The following HSF1 variants were observed in gnomAD, a reference collection of about 807,000 sequenced individuals.
HSF1 encodes the protein heat shock transcription factor 1, also known as heat shock factor protein 1.
In HSF1, 32 loss-of-function variants were observed where a neutral mutation model predicts 51.7. That is an observed-to-expected ratio of 0.62 (90% confidence interval 0.47 to 0.83). The LOEUF (loss-of-function observed/expected upper bound fraction) is 0.83. Among genes scored for constraint, HSF1 ranks in the 40% least tolerant of loss-of-function variants. The pLI is 0.00. For missense variants in HSF1, 727 were observed against 717.0 expected (o/e 1.01, Z -0.16); for synonymous variants, 396 against 309.7 (o/e 1.28, Z -2.92).
intron 1 of HSF1, among the ~76,000 whole-genome samples, chr8:144,299,443 A>T (rs2130349156): frequency 6.6e-6 from 1 of 151,504 alleles, no homozygotes; most frequent in South Asian, 2.1e-4. Flanking sequence ...TCTAAAAAAA[A>T]AAAAAAAAAT....
rs1345292735 is a variant in HSF1 at position 144,291,636 on chromosome 8, C to T, written c.-122C>T. 6 of 525,574 alleles carry T rather than the reference C, an allele frequency of 1.1e-5. No individual in the cohort carries two copies. The highest frequency in any genetic ancestry group is 5.7e-5 in the South Asian group (2 of 35,022). 32.6% of individuals were successfully genotyped at this position (525,574 alleles called of 1,614,324 possible). On this transcript the variant is annotated 5_prime_UTR_variant, in exon 1 of 13. Transcript: ENST00000528838. The surrounding 1 kb of genome is among the most constrained non-coding windows in gnomAD (Gnocchi z 4.1). ...AGATGGCGGCGGCCATGCTGGGCCC[C>T]GGGGCTGTGTGTGCGCAGCGGGCGG...
At position 144,313,895 on chromosome 8, in the gene HSF1, A is replaced by T; in HGVS notation, c.1298A>T (p.Asp433Val). The change falls in exon 11 of 13, where the codon GAC (aspartate) becomes GTC (valine). Residue 433 changes from aspartate to valine, a missense_variant. Asp to Val is a radical substitution (Grantham distance 152). Around this residue, in one of 2 missense-constraint regions of HSF1, gnomAD observed 470 missense variants for 398.8 expected, o/e 1.18. Coordinates refer to ENST00000528838, the MANE Select transcript of HSF1 (RefSeq NM_005526.4). ...CCCGACATGAGCCTGCCTGACCTTG[A>T]CAGCAGCCTGGCCAGTGTGCGTAGG... Reference protein sequence around the residue: ...TVPDMSLPDLDSSLASIQELL... With the variant: ...TVPDMSLPDLVSSLASIQELL... 6.2e-7 allele frequency: 1 copy of T among 1,606,148 alleles called. No individual in the cohort carries two copies. Among genetic ancestry groups the T allele is most frequent in the Non-Finnish European group, 8.5e-7 (1 of 1,178,334 alleles).
chr8:144,308,211 C>T (rs1230245999), intron 1 of HSF1, among the ~76,000 whole-genome samples: 2 of 152,352 alleles, frequency 1.3e-5, no homozygotes, highest in South Asian at 2.1e-4. Context: ...CCCCCTTCCC[C>T]GCCGTGTGGG....
chr8:144,310,127 C>T, intron 4 of HSF1: 1 of 545,486 alleles, frequency 1.8e-6, no homozygotes. Context: ...GTCCCCTGCT[C>T]TGCACATCCC....
In HSF1 at chr8:144,314,342, G is replaced by A. The variant is rs1554846263; in HGVS notation, c.*12G>A. ...CCACTGTCTCCTAGAGGCCCCGGAG[G>A]AGCTGGGCCAGCCGCCCACCCCCAC... is the stretch of plus-strand genomic sequence containing the variant. On this transcript the variant is annotated 3_prime_UTR_variant, in exon 13 of 13. Coordinates refer to ENST00000528838, the MANE Select transcript of HSF1 (RefSeq NM_005526.4). 14 of 1,540,888 alleles carry A rather than the reference G, an allele frequency of 9.1e-6. No individual in the cohort carries two copies. The highest frequency in any genetic ancestry group is 2.4e-5 in the South Asian group (2 of 83,934).
chr8:144,303,301 G>A (rs1417036190), intron 1 of HSF1, among the ~76,000 whole-genome samples: 1 of 152,036 alleles, frequency 6.6e-6, no homozygotes, highest in African/African-American at 2.4e-5. Context: ...AGCTTTTCCT[G>A]TGCAGGTGAA....
chr8:144,297,795 C>T lies in HSF1; in HGVS notation c.117+5921C>T, dbSNP rs1353097108. Among the ~76,000 whole-genome samples, 1 of 152,240 alleles carries T rather than the reference C, an allele frequency of 6.6e-6. No homozygotes were observed. The highest frequency in any genetic ancestry group is 1.5e-5 in the Non-Finnish European group (1 of 68,048). On this transcript the variant is annotated intron_variant, in intron 1 of 12. Transcript: ENST00000528838. This position sits in a 1 kb window ranked among gnomAD's most constrained non-coding sequence, Gnocchi z 4.6. ...CTTGGCAGGAGGCTGGAACAAGAGG[C>T]TTGTGGCCTGGGCTGTGGGGCCACC... is the stretch of plus-strand genomic sequence containing the variant.
rs1280168567 is a variant in HSF1, at chr8:144,297,505, G to A, written c.117+5631G>A. ...CAAGAAGAGTGTTTATGAGAAAGGT[G>A]CGGGTGGCTCAGATGTGGACAGAAC... On this transcript the variant is annotated intron_variant, in intron 1 of 12. Transcript: ENST00000528838. This position sits in a 1 kb window ranked among gnomAD's most constrained non-coding sequence, Gnocchi z 4.6. Among the ~76,000 whole-genome samples the A allele has an allele frequency of 2.6e-5, 4 of 152,190 alleles. No individual in the cohort carries two copies. Among genetic ancestry groups the A allele is most frequent in the African/African-American group, 9.7e-5 (4 of 41,438 alleles).
intron 1 of HSF1, among the ~76,000 whole-genome samples, chr8:144,298,811 G>T (rs191171221): frequency 3.9e-5 from 6 of 152,192 alleles, no homozygotes; most frequent in African/African-American, 1.4e-4. Flanking sequence ...AGCAATCTGC[G>T]CGTGAGCCCG....
In HSF1 at chr8:144,312,253, C is replaced by T. The variant is rs782039234; in HGVS notation, c.1142+9C>T. 114 of 1,488,492 alleles carry T rather than the reference C, an allele frequency of 7.7e-5. No homozygotes were observed. The highest frequency in any genetic ancestry group is 2.4e-4 in the Middle Eastern group (1 of 4,102). 92.2% of individuals were successfully genotyped at this position (1,488,492 alleles called of 1,614,324 possible). A position where few individuals can be genotyped will look rare whatever the true frequency, so the allele number is the denominator to read the frequency against. Reference sequence around the variant, plus strand: ...GTAGCCTGCCTGGACAAGTGAGTGCCGCCCACCCCTGGCCCCACCCACAGC... The same window carrying T: ...GTAGCCTGCCTGGACAAGTGAGTGCTGCCCACCCCTGGCCCCACCCACAGC... On this transcript the variant is annotated intron_variant, in intron 9 of 12. Coordinates refer to ENST00000528838, the MANE Select transcript of HSF1 (RefSeq NM_005526.4).
At chr8:144,296,898 CTG>C (rs1272065309) in intron 1 of HSF1, among the ~76,000 whole-genome samples, 3 of 149,476 alleles carry the variant, frequency 2.0e-5, no homozygotes, top group African/African-American at 7.4e-5. Context: ...CTGTAGCCTC[CTG>C]TGTTTCCTCT....
chr8:144,313,943 G>C (rs910040605), intron 11 of HSF1, 32 bp downstream of exon 11: 5 of 1,610,276 alleles, frequency 3.1e-6, no homozygotes, highest in East Asian at 2.2e-5. Flanking sequence ...GAGGGGGAAC[G>C]AGACCAGCGG....
At chr8:144,293,437 TC>T (rs1815243846) in intron 1 of HSF1, 2 of 151,734 alleles carry the variant, frequency 1.3e-5, no homozygotes, top group Admixed American at 6.6e-5. Context: ...TCCGTCTTTT[TC>T]TTTTTTCTTT....
chr8:144,312,719 C>T (rs1001507428), intron 9 of HSF1: 37 of 1,534,570 alleles, frequency 2.4e-5, no homozygotes, highest in Non-Finnish European at 3.1e-5. Context: ...AGGGTTAGCG[C>T]TGACCCCACT....
At chr8:144,293,208 A>G (rs910466149) in intron 1 of HSF1, among the ~76,000 whole-genome samples, 2 of 152,182 alleles carry the variant, frequency 1.3e-5, no homozygotes, top group Non-Finnish European at 2.9e-5. Flanking sequence ...TGCTTTACCT[A>G]CAGAGTGTTT....
chr8:144,314,144 C>T lies in HSF1; in HGVS notation c.1404C>T (p.Tyr468=). The T allele has an allele frequency of 6.7e-7, 1 of 1,488,856 alleles. No homozygotes were observed. Among genetic ancestry groups the T allele is most frequent in the African/African-American group, 1.4e-5 (1 of 69,108 alleles). The allele number at this position is 1,488,856 out of a possible 1,614,324, so 92.2% of individuals were successfully genotyped here. Residue 468 remains tyrosine, a synonymous_variant, in exon 13 of 13, where the codon TAC becomes TAT. Transcript: ENST00000528838. The part of the protein sequence containing the change: ...SPDSGKQLVH[Y]TAQPLFLLDP... ...CCGCAGGGAAGCAGCTGGTGCACTA[C>T]ACAGCGCAGCCGCTGTTCCTGCTGG...
Position 144,311,351 on chromosome 8 carries a change from T to G in HSF1, c.595T>G (p.Ser199Ala). 6.2e-7 allele frequency: 1 copy of G among 1,613,996 alleles called. No homozygotes were observed. Among genetic ancestry groups the G allele is most frequent in the Non-Finnish European group, 8.5e-7 (1 of 1,180,008 alleles). ...LIQFLISLVQSNRILGVKRKI... is the reference protein window; with the variant it reads ...LIQFLISLVQANRILGVKRKI... ...TCAGTTCCTGATCTCACTGGTGCAG[T>G]CAAACCGGATCCTGGGGGTGAAGAG... Residue 199 changes from serine to alanine, a missense_variant, in exon 6 of 13, where the codon TCA (serine) becomes GCA (alanine). Ser to Ala is a moderately conservative substitution (Grantham distance 99, BLOSUM62 1). Transcript: ENST00000528838.
intron 9 of HSF1, 33 bp downstream of exon 9, chr8:144,312,277 G>T: frequency 7.8e-7 from 1 of 1,281,490 alleles, no homozygotes. Context: ...CCCACCCACA[G>T]CGCCTGGACG....
At chr8:144,295,974 G>A (rs1380882587) in intron 1 of HSF1, among the ~76,000 whole-genome samples, 10 of 152,156 alleles carry the variant, frequency 6.6e-5, no homozygotes, top group African/African-American at 2.2e-4. Context: ...CCAGCCTCAT[G>A]GGTGCAGCTG....
Sources: gnomAD v4.1 joint callset for allele counts (sites outside exome capture counted in the v4.1 genomes callset) on GRCh38, gnomAD v4.1.1 for gene constraint, gnomAD v4.1.1 regional missense constraint, Gnocchi (gnomAD v3.1) non-coding constraint, MANE v1.5 for transcripts, NCBI Gene and HGNC (gene_info 2026-07-23, HGNC 2026-07-21) for gene names.